The following PSD4 variants were observed in gnomAD, a reference collection of about 807,000 sequenced individuals.
PSD4 encodes pleckstrin and Sec7 domain containing 4.
Under a neutral mutation model 112.5 loss-of-function variants are expected in PSD4, and 59 were observed. The observed-to-expected ratio is 0.52, with a 90% CI of 0.43 to 0.65. PSD4 has a LOEUF of 0.65. PSD4 is among the 30% of genes least tolerant of loss of function. The pLI is 0.00. For missense variants in PSD4, 1,267 were observed against 1,352.6 expected, an observed-to-expected ratio of 0.94 and a Z score of 0.99; for synonymous variants, 533 against 540.0, an observed-to-expected ratio of 0.99 and a Z score of 0.18.
chr2:113,183,662 GA>G, intron 2 of PSD4, 150 bp downstream of exon 2: 3 of 669,114 alleles, frequency 4.5e-6, no homozygotes, highest in Non-Finnish European at 6.9e-6. Context: ...TAATAGAGCA[GA>G]AAATCAGGAC....
chr2:113,188,165 TA>T (rs1688349584), intron 5 of PSD4, among the ~76,000 whole-genome samples: 2 of 152,110 alleles, frequency 1.3e-5, no homozygotes, highest in African/African-American at 4.8e-5. Flanking sequence ...GTGTTGTTAC[TA>T]AAATAATACT....
Position 113,183,203 on chromosome 2 carries a change from C to T in PSD4, c.747C>T (p.Pro249=), listed in dbSNP as rs1422478578. The change falls in exon 2 of 17, where the codon CCC becomes CCT. Residue 249 remains proline, a synonymous_variant. Coordinates refer to ENST00000245796, the MANE Select transcript of PSD4 (RefSeq NM_012455.3). ...AGGAGAGCATGTTCTTCAGCAACCC[C>T]CTCTTCCTGGCGAGTCCTTGCTCAG... is the stretch of plus-strand genomic sequence containing the variant. ...AEEESMFFSN[P]LFLASPCSEN... 1 of 1,614,072 alleles carries T rather than the reference C, an allele frequency of 6.2e-7. No individual in the cohort carries two copies. Among genetic ancestry groups the T allele is most frequent in the Non-Finnish European group, 8.5e-7 (1 of 1,180,044 alleles).
intron 3 of PSD4, 146 bp downstream of exon 3, chr2:113,185,219 C>A: frequency 6.4e-7 from 1 of 1,551,748 alleles, no homozygotes; most frequent in Non-Finnish European, 8.8e-7. Flanking sequence ...AGGCTCCAGC[C>A]TGGGTGGGAG....
chr2:113,186,010 C>T lies in PSD4; in HGVS notation c.1383C>T (p.Ser461=), dbSNP rs746235985. The T allele has an allele frequency of 3.1e-6, 5 of 1,614,204 alleles. No individual in the cohort carries two copies. The highest frequency in any genetic ancestry group is 4.2e-6 in the Non-Finnish European group (5 of 1,179,996). Residue 461 remains serine (S), a synonymous_variant, in exon 5 of 17, where the codon AGC becomes AGT. Transcript: ENST00000245796. ...GCAGAGGCCCTGGTCCCAGGCCCAG[C>T]CCTGCATCGTCCCAGGAGGGCAGCC... is the stretch of plus-strand genomic sequence containing the variant. ...SESRGPGPRP[S]PASSQEGSPQ... is the part of the protein sequence containing the mutation.
rs2863239 is a variant in PSD4, at chr2:113,201,875, A to G, written c.*460A>G. Reference sequence around the variant, plus strand: ...GCCCAGCCAGGGGAGCCACAGCCCCAAGGATGGTCTTGCTCTGGGAATTAG... The same window carrying G: ...GCCCAGCCAGGGGAGCCACAGCCCCGAGGATGGTCTTGCTCTGGGAATTAG... On this transcript the variant is annotated 3_prime_UTR_variant, in exon 17 of 17. Transcript: ENST00000245796. 162,896 of 163,502 alleles carry G rather than the reference A, an allele frequency of 1. 81,149 individuals are homozygous for G. Among genetic ancestry groups the G allele is most frequent in the East Asian group, 1 (5,536 of 5,536 alleles). The allele number at this position is 163,502 out of a possible 1,614,324, so 10.1% of individuals were successfully genotyped here. A position where few individuals can be genotyped will look rare whatever the true frequency, so the allele number is the denominator to read the frequency against.
rs894924299 is a variant in PSD4, at chr2:113,203,540, A to C, written c.*2125A>C. ...TGGAGTAGGTTATTTGACCTCACTG[A>C]ACATGCATCCTTTTTTTTTTTTTTT... On this transcript the variant is annotated 3_prime_UTR_variant, in exon 17 of 17. Transcript: ENST00000245796. 1 of 147,184 alleles carries C rather than the reference A, an allele frequency of 6.8e-6. No homozygotes were observed. The highest frequency in any genetic ancestry group is 6.9e-5 in the Admixed American group (1 of 14,550). The allele number at this position is 147,184 out of a possible 1,614,324, so 9.1% of individuals were successfully genotyped here.
intron 12 of PSD4, chr2:113,197,266 T>C: frequency 2.3e-6 from 1 of 435,982 alleles, no homozygotes. Context: ...CTACTTGGGG[T>C]AGTGGGTGTG....
chr2:113,193,509 G>A (rs1026540480), intron 8 of PSD4, 83 bp from the exon 9 acceptor site: 14 of 1,514,910 alleles, frequency 9.2e-6, no homozygotes, highest in South Asian at 1.1e-5. Context: ...GGGGTTATTC[G>A]GTTACCCCAC....
intron 15 of PSD4, 72 bp from the exon 16 acceptor site, chr2:113,199,011 C>G (rs1213748968): frequency 1.3e-6 from 2 of 1,508,212 alleles, no homozygotes. Flanking sequence ...GCCAGGGGGG[C>G]GGCGCGCCCG....
intron 12 of PSD4, chr2:113,197,274 G>A (rs1412073313): frequency 4.4e-6 from 2 of 456,230 alleles, no homozygotes; most frequent in Non-Finnish European, 8.2e-6. Context: ...GGTAGTGGGT[G>A]TGTGTTTGGA....
At chr2:113,174,858 C>T (rs1039748791) in intron 1 of PSD4, among the ~76,000 whole-genome samples, 4 of 152,196 alleles carry the variant, frequency 2.6e-5, no homozygotes, top group Admixed American at 6.5e-5. Context: ...TAAAATTCCA[C>T]AGTTGAAGTC....
chr2:113,194,532 G>A (rs1688543727), intron 10 of PSD4, among the ~76,000 whole-genome samples: 1 of 152,216 alleles, frequency 6.6e-6, no homozygotes, highest in Non-Finnish European at 1.5e-5. Flanking sequence ...TGTGTTCTGA[G>A]AAATGCATCG....
At chr2:113,178,808 G>T (rs959781532) in intron 1 of PSD4, among the ~76,000 whole-genome samples, 6 of 152,086 alleles carry the variant, frequency 3.9e-5, no homozygotes, top group Non-Finnish European at 7.4e-5. Context: ...TGTGGAGTTG[G>T]GTGAATGAGA....
chr2:113,195,662 G>A, intron 10 of PSD4, 65 bp from the exon 11 acceptor site: 1 of 1,596,070 alleles, frequency 6.3e-7, no homozygotes, highest in Non-Finnish European at 8.6e-7. Context: ...ACCTCTGCCA[G>A]ACAAAGAGAC....
rs1213100629 is a variant in PSD4, at chr2:113,183,494, T to C, written c.1038T>C (p.Pro346=). 1.3e-6 allele frequency: 2 copies of C among 1,583,514 alleles called. No individual in the cohort carries two copies. The highest frequency in any genetic ancestry group is 1.8e-5 in the Admixed American group (1 of 55,126). Reference sequence around the variant, plus strand: ...CTGAGGGGGCTCCTGCAGCACCTCCTGGTCACGGGGAGAGTGAGGTAAGCC... The same window carrying C: ...CTGAGGGGGCTCCTGCAGCACCTCCCGGTCACGGGGAGAGTGAGGTAAGCC... ...AAAEGAPAAP[P]GHGESEGDRL... Residue 346 remains proline (P), a synonymous_variant, in exon 2 of 17, where the codon CCT becomes CCC. Transcript: ENST00000245796.
intron 5 of PSD4, among the ~76,000 whole-genome samples, chr2:113,189,140 A>G (rs143254700): frequency 6.6e-6 from 1 of 152,226 alleles, no homozygotes; most frequent in African/African-American, 2.4e-5. Flanking sequence ...GTTCCCACTT[A>G]TGAGTGAGAA....
rs756471842 is a variant in PSD4 at position 113,182,585 on chromosome 2, G to A, written c.129G>A (p.Pro43=). ...AAACGTGCAGCCATGAGGATCCACC[G>A]GAGCCTTTCGAGGAGCAAACCTGGG... ...PRETCSHEDP[P]EPFEEQTWAT... The change falls in exon 2 of 17, where the codon CCG becomes CCA. Residue 43 remains proline (P), a synonymous_variant. Transcript: ENST00000245796. 5.9e-5 allele frequency: 96 copies of A among 1,614,164 alleles called. No individual in the cohort carries two copies. The South Asian group carries it at 7.5e-4, about 13-fold the overall frequency.
Position 113,193,370 on chromosome 2 carries a change from G to C in PSD4, c.2032G>C (p.Asp678His), listed in dbSNP as rs1688510430. The C allele has an allele frequency of 1.2e-6, 2 of 1,606,520 alleles. No homozygotes were observed. Among genetic ancestry groups the C allele is most frequent in the Non-Finnish European group, 1.7e-6 (2 of 1,177,226 alleles). The stretch of plus-strand genomic sequence containing the variant: ...CAATCCGGGGATCTTCCCCTCAGTA[G>C]GTAGGGAGGGGCTGGCCCTGACAGC... ...HCNPGIFPSV[D>H]SVHTLTCAIM... is the part of the protein sequence containing the mutation. The change falls in exon 8 of 17, where the codon GAT becomes CAT. Residue 678 changes from aspartate to histidine, a missense_variant and splice_region_variant. Around this residue, in one of 2 missense-constraint regions of PSD4, gnomAD observed 544 missense variants for 648.6 expected, o/e 0.84. Transcript: ENST00000245796.
At chr2:113,192,611 G>A (rs756014361) in intron 6 of PSD4, 22 bp downstream of exon 6, 8 of 1,611,314 alleles carry the variant, frequency 5.0e-6, no homozygotes, top group Non-Finnish European at 5.1e-6. Flanking sequence ...TGAGCCTGGG[G>A]AAGGCTGGAG....
Sources: allele counts gnomAD v4.1 joint callset (sites outside exome capture counted in the v4.1 genomes callset), GRCh38; gene constraint gnomAD v4.1.1; regional missense constraint gnomAD v4.1.1; transcripts MANE v1.5; gene names NCBI Gene and HGNC (gene_info 2026-07-23, HGNC 2026-07-21).